Variants in HOMER2 observed in about 807,000 individuals in gnomAD.
HOMER2 encodes the protein homer scaffold protein 2.
A neutral mutation model predicts 47.0 loss-of-function variants in HOMER2; 27 were observed. The ratio of observed to expected loss-of-function variants is 0.57; its 90% CI spans 0.42 to 0.79. HOMER2 has a LOEUF of 0.79. HOMER2 is among the 30% of genes least tolerant of loss of function. The pLI, the probability that HOMER2 is intolerant of heterozygous loss-of-function variation, is 0.00. For synonymous variants in HOMER2, 161 were observed against 163.8 expected (o/e 0.98, Z 0.13); for missense variants, 443 against 435.0 (o/e 1.02, Z -0.16).
intron 1 of HOMER2, among the ~76,000 whole-genome samples, chr15:82,893,976 A>G (rs2052817574): frequency 6.6e-6 from 1 of 152,164 alleles, no homozygotes; most frequent in Non-Finnish European, 1.5e-5. Flanking sequence ...TTATCTCTGT[A>G]TCTCTTCAGT....
chr15:82,904,826 C>T (rs2053240786), intron 1 of HOMER2, among the ~76,000 whole-genome samples: 1 of 152,154 alleles, frequency 6.6e-6, no homozygotes, highest in Non-Finnish European at 1.5e-5. Flanking sequence ...CCTATTTATG[C>T]AGTTCCCTTC....
chr15:82,969,855 C>G (rs1417112036), intron 1 of HOMER2, among the ~76,000 whole-genome samples: 1 of 152,190 alleles, frequency 6.6e-6, no homozygotes. Flanking sequence ...ATAAAAAACT[C>G]TATAAATGAA....
intron 1 of HOMER2, among the ~76,000 whole-genome samples, chr15:82,928,300 A>G (rs1162173867): frequency 6.6e-6 from 1 of 152,196 alleles, no homozygotes; most frequent in East Asian, 1.9e-4. Flanking sequence ...AAACATTGGA[A>G]GCCTTTAGAA....
Position 82,913,575 on chromosome 15 carries a change from T to A in HOMER2, c.6-20734A>T, listed in dbSNP as rs2053503834. 6.6e-6 allele frequency among the ~76,000 whole-genome samples: 1 copy of A among 152,166 alleles called. No homozygotes were observed. The highest frequency in any genetic ancestry group is 1.5e-5 in the Non-Finnish European group (1 of 68,024). On this transcript the variant is annotated intron_variant, in intron 1 of 8. Transcript: ENST00000450735. This position sits in a 1 kb window ranked among gnomAD's most constrained non-coding sequence, Gnocchi z 4.1. ...ATTTCATCCCAACAGCAGCACTCTA[T>A]CAGGCCATCTTCCTGAAAGCAACAC...
chr15:82,900,271 C>T (rs2053071311), intron 1 of HOMER2, among the ~76,000 whole-genome samples: 1 of 152,074 alleles, frequency 6.6e-6, no homozygotes, highest in Non-Finnish European at 1.5e-5. Context: ...TGCATTCCAG[C>T]CTGGGCAACA....
chr15:82,969,449 T>C (rs924408021), intron 1 of HOMER2, among the ~76,000 whole-genome samples: 5 of 152,202 alleles, frequency 3.3e-5, no homozygotes, highest in African/African-American at 7.2e-5. Flanking sequence ...TATGGCTGCC[T>C]AGACATCACT....
At chr15:82,920,847 T>A (rs1357748904) in intron 1 of HOMER2, among the ~76,000 whole-genome samples, 1 of 131,982 alleles carries the variant, frequency 7.6e-6, no homozygotes, top group Non-Finnish European at 1.7e-5. Flanking sequence ...TAAAACAATC[T>A]TTTTTTTTTT....
chr15:82,861,091 G>A (rs2051774761), intron 4 of HOMER2, among the ~76,000 whole-genome samples: 1 of 152,156 alleles, frequency 6.6e-6, no homozygotes, highest in Non-Finnish European at 1.5e-5. Context: ...GCTGATGAGG[G>A]TGTGGTAAGA....
chr15:82,849,702 G>C lies in HOMER2; in HGVS notation c.*13C>G, dbSNP rs748289039. 5.0e-6 allele frequency: 8 copies of C among 1,609,316 alleles called. No homozygotes were observed. Among genetic ancestry groups the C allele is most frequent in the Non-Finnish European group, 6.8e-6 (8 of 1,177,898 alleles). ...CTTGGGACTCACGGGCGGGGCCTGGGCCTCGGCCAGCCCTAGTTATCGGTG... is the reference window on the plus strand; with the variant it reads ...CTTGGGACTCACGGGCGGGGCCTGGCCCTCGGCCAGCCCTAGTTATCGGTG... On this transcript the variant is annotated 3_prime_UTR_variant, in exon 9 of 9. Transcript: ENST00000450735.
chr15:82,963,974 T>A (rs2054652407), intron 1 of HOMER2, among the ~76,000 whole-genome samples: 1 of 152,104 alleles, frequency 6.6e-6, no homozygotes. Flanking sequence ...GCACTGACGA[T>A]GAGATGTAGT....
chr15:82,985,132 A>C (rs574909548), intron 1 of HOMER2, among the ~76,000 whole-genome samples: 4 of 152,342 alleles, frequency 2.6e-5, no homozygotes, highest in African/African-American at 9.6e-5. Context: ...GCAATCTATA[A>C]AAATGTAATA....
At chr15:82,907,637 T>C (rs887442360) in intron 1 of HOMER2, among the ~76,000 whole-genome samples, 5 of 152,166 alleles carry the variant, frequency 3.3e-5, no homozygotes, top group African/African-American at 1.2e-4. Context: ...TGGGGTATAA[T>C]TGGCACCTAC....
chr15:82,852,084 G>T (rs2051413247), intron 7 of HOMER2, 58 bp downstream of exon 7: 4 of 1,199,858 alleles, frequency 3.3e-6, no homozygotes, highest in Non-Finnish European at 4.9e-6. Context: ...CCTGCTGTGT[G>T]CCACCCCGCA....
At chr15:82,875,479 T>C (rs1047582831) in intron 2 of HOMER2, 75 bp from the exon 3 acceptor site, 9 of 1,511,640 alleles carry the variant, frequency 6.0e-6, no homozygotes, top group Admixed American at 1.8e-5. Flanking sequence ...AAGTCTTCTA[T>C]TGGCAAAGCC....
At chr15:82,909,533 C>T (rs2053394187) in intron 1 of HOMER2, among the ~76,000 whole-genome samples, 1 of 151,810 alleles carries the variant, frequency 6.6e-6, no homozygotes, top group Admixed American at 6.6e-5. Flanking sequence ...GAGCAGGTGA[C>T]CAAGGATGAC....
At chr15:82,979,774 A>T (rs2030328622) in intron 1 of HOMER2, among the ~76,000 whole-genome samples, 1 of 152,156 alleles carries the variant, frequency 6.6e-6, no homozygotes, top group South Asian at 2.1e-4. Flanking sequence ...CTGAAAATGG[A>T]AAGAGAGGTA....
chr15:82,952,672 G>A lies in HOMER2; in HGVS notation c.-137C>T. ...AGCCCCGGCGCCGCTCCATTCCGCG[G>A]GGCTGCGCGGCTGCCACTGCTGCCA... On this transcript the variant is annotated 5_prime_UTR_variant, in exon 1 of 9. Transcript: ENST00000450735. The A allele has an allele frequency of 1.0e-6, 1 of 995,150 alleles. No individual in the cohort carries two copies. Among genetic ancestry groups the A allele is most frequent in the African/African-American group, 1.7e-5 (1 of 57,168 alleles). 61.6% of individuals were successfully genotyped at this position (995,150 alleles called of 1,614,324 possible).
intron 1 of HOMER2, among the ~76,000 whole-genome samples, chr15:82,942,977 T>C (rs1346927522): frequency 6.6e-6 from 1 of 152,140 alleles, no homozygotes; most frequent in Non-Finnish European, 1.5e-5. Flanking sequence ...ACACAGTGGC[T>C]GAAGACTCAG....
intron 1 of HOMER2, among the ~76,000 whole-genome samples, chr15:82,906,105 G>C (rs2053278712): frequency 6.6e-6 from 1 of 152,166 alleles, no homozygotes; most frequent in Non-Finnish European, 1.5e-5. Flanking sequence ...AGTGTTATCT[G>C]AAAGTGAGCT....
Sources: gnomAD v4.1 joint callset for allele counts (sites outside exome capture counted in the v4.1 genomes callset) on GRCh38, gnomAD v4.1.1 for gene constraint, Gnocchi (gnomAD v3.1) non-coding constraint, MANE v1.5 for transcripts, NCBI Gene and HGNC (gene_info 2026-07-23, HGNC 2026-07-21) for gene names.